CHTF18: variants seen among roughly 807,000 people sequenced by gnomAD.
The protein encoded by CHTF18 is chromosome transmission fidelity protein 18 homolog.
Under a neutral mutation model 113.4 loss-of-function variants are expected in CHTF18, and 151 were observed. The ratio of observed to expected loss-of-function variants is 1.33; its 90% CI spans 1.17 to 1.52. The LOEUF (loss-of-function observed/expected upper bound fraction) is 1.52. CHTF18 is among the 40% of genes most tolerant of loss of function. CHTF18 has a pLI of 0.00. For missense variants in CHTF18, 1,982 were observed against 1,381.6 expected, an observed-to-expected ratio of 1.43 and a Z score of -6.89; for synonymous variants, 916 against 598.8, an observed-to-expected ratio of 1.53 and a Z score of -7.74.
In CHTF18 at chr16:795,005, G is replaced by A. The variant is rs964580702; in HGVS notation, c.1951-127G>A. 17 of 732,676 alleles carry A rather than the reference G, an allele frequency of 2.3e-5. No homozygotes were observed. In the African/African-American group the frequency reaches 2.5e-4, roughly 11 times the overall value. The allele number at this position is 732,676 out of a possible 1,614,324, so 45.4% of individuals were successfully genotyped here. The stretch of plus-strand genomic sequence containing the variant: ...CAGCGTCGTGGGGACCCTTGTGGAG[G>A]GTCTGCGAAGCCTCGTGGGGCAGGC... On this transcript the variant is annotated intron_variant, in intron 15 of 21. Transcript: ENST00000262315.
chr16:797,891 G>T lies in CHTF18; in HGVS notation c.2844G>T (p.Val948=), dbSNP rs777092510. 1 of 1,610,914 alleles carries T rather than the reference G, an allele frequency of 6.2e-7. No individual in the cohort carries two copies. The highest frequency in any genetic ancestry group is 8.5e-7 in the Non-Finnish European group (1 of 1,179,262). The change falls in exon 22 of 22, where the codon GTG becomes GTT. Residue 948 remains valine (V), a synonymous_variant. Transcript: ENST00000262315. ...DSVERRMGTA[V]GRSEVWFRFN... is the part of the protein sequence containing the mutation. ...TGGAGCGGCGCATGGGCACAGCGGTGGGCAGGAGCGAGGTCTGGTTCCGCT... is the reference window on the plus strand; with the variant it reads ...TGGAGCGGCGCATGGGCACAGCGGTTGGCAGGAGCGAGGTCTGGTTCCGCT...
Position 790,647 on chromosome 16 carries a change from C to CG in CHTF18, c.877dup (p.Glu293GlyfsTer5). The CG allele has an allele frequency of 6.3e-7, 1 of 1,586,362 alleles. No individual in the cohort carries two copies. Among genetic ancestry groups the CG allele is most frequent in the Non-Finnish European group, 8.5e-7 (1 of 1,171,162 alleles). ...GATGAGTTTGCACCCCGCCACTACA[C>CG]GGAGCTGCTCAGTGATGACGTGAGG... On this transcript the variant is annotated frameshift_variant, in exon 7 of 22. Coordinates refer to ENST00000262315, the MANE Select transcript of CHTF18 (RefSeq NM_022092.3). LOFTEE classifies it high-confidence loss of function.
intron 3 of CHTF18, 62 bp from the exon 4 acceptor site, chr16:789,485 A>C: frequency 6.5e-7 from 1 of 1,544,968 alleles, no homozygotes. Context: ...AGTCTCGGAC[A>C]CCCATATCCA....
intron 7 of CHTF18, 108 bp downstream of exon 7, chr16:790,774 G>T: frequency 6.9e-7 from 1 of 1,438,922 alleles, no homozygotes; most frequent in Non-Finnish European, 9.1e-7. Flanking sequence ...CTCGGAGACG[G>T]AGTGGGCTCT....
chr16:792,610 C>T lies in CHTF18; in HGVS notation c.1478+20C>T. 1.3e-6 allele frequency: 2 copies of T among 1,592,056 alleles called. No individual in the cohort carries two copies. Among genetic ancestry groups the T allele is most frequent in the Non-Finnish European group, 8.5e-7 (1 of 1,171,338 alleles). ...TGACCAGTGAGTGCATGGGCGGGCG[C>T]CACAGTCAGGAGAGGCTCTGGTGCC... On this transcript the variant is annotated intron_variant, in intron 11 of 21. Coordinates refer to ENST00000262315, the MANE Select transcript of CHTF18 (RefSeq NM_022092.3).
chr16:791,165 C>T lies in CHTF18; in HGVS notation c.899C>T (p.Thr300Ile). 6.2e-7 allele frequency: 1 copy of T among 1,610,054 alleles called. No homozygotes were observed. Among genetic ancestry groups the T allele is most frequent in the South Asian group, 1.1e-5 (1 of 90,462 alleles). ...HYTELLSDDF[T>I]NRCLLKWLKL... ...CCCTTCCCGTCCTTCCCGCAGTTCA[C>T]CAACCGCTGCCTGCTCAAGTGGCTG... The change falls in exon 8 of 22, where the codon ACC (threonine) becomes ATC (isoleucine). Residue 300 changes from threonine to isoleucine, a missense_variant. Transcript: ENST00000262315.
chr16:794,042 C>T lies in CHTF18; in HGVS notation c.1803-12C>T, dbSNP rs200710292. 10 of 1,606,192 alleles carry T rather than the reference C, an allele frequency of 6.2e-6. No homozygotes were observed. The highest frequency in any genetic ancestry group is 2.0e-4 in the Middle Eastern group (1 of 5,056). On this transcript the variant is annotated splice_polypyrimidine_tract_variant and intron_variant, in intron 14 of 21. Coordinates refer to ENST00000262315, the MANE Select transcript of CHTF18 (RefSeq NM_022092.3). ...AACACGGGTCCATCTAGCTTCAGCA[C>T]CCCACCTGCAGGCGCCGTGTGGGCC...
rs762055892 is a variant in CHTF18, at chr16:790,612, C to T, written c.840C>T (p.Cys280=). 15 of 1,594,808 alleles carry T rather than the reference C, an allele frequency of 9.4e-6. 1 individual carries two copies. The highest frequency in any genetic ancestry group is 1.7e-4 in the Middle Eastern group (1 of 6,020). Residue 280 remains cysteine (C), a synonymous_variant, in exon 7 of 22, where the codon TGC becomes TGT. Transcript: ENST00000262315. ...PTDGQDASSH[C]LWVDEFAPRH... is the part of the protein sequence containing the mutation. ...ACGGTCAAGACGCCTCCAGTCACTG[C>T]CTCTGGGTGGATGAGTTTGCACCCC...
Position 793,024 on chromosome 16 carries a change from A to G in CHTF18, c.1631A>G (p.Lys544Arg), listed in dbSNP as rs1473505621. Residue 544 changes from lysine (K) to arginine (R), a missense_variant, in exon 13 of 22, where the codon AAA becomes AGA. Coordinates refer to ENST00000262315, the MANE Select transcript of CHTF18 (RefSeq NM_022092.3). ...DPGVLAALCE[K>R]TDNDIRACIN... is the part of the protein sequence containing the mutation. ...GGGGTGCTGGCCGCCCTCTGTGAGAAAACTGACAATGACATCCGGGCCTGC... is the reference window on the plus strand; with the variant it reads ...GGGGTGCTGGCCGCCCTCTGTGAGAGAACTGACAATGACATCCGGGCCTGC... 1 of 1,566,156 alleles carries G rather than the reference A, an allele frequency of 6.4e-7. No homozygotes were observed. Among genetic ancestry groups the G allele is most frequent in the East Asian group, 2.4e-5 (1 of 41,636 alleles).
rs1373983074 is a variant in CHTF18, at chr16:795,732, G to A, written c.2223G>A (p.Val741=). Residue 741 remains valine (V), a synonymous_variant, in exon 17 of 22, where the codon GTG becomes GTA. Transcript: ENST00000262315. ...TGAGGAACCTGATCCAGACGCTGGT[G>A]TCCGGCATCGCGCCAGCCACGCGCA... The part of the protein sequence containing the change: ...SQMRNLIQTL[V]SGIAPATRSR... 4 of 1,607,636 alleles carry A rather than the reference G, an allele frequency of 2.5e-6. No individual in the cohort carries two copies. The East Asian group carries it at 6.7e-5, about 27-fold the overall frequency.
chr16:797,224 C>G, intron 20 of CHTF18, 132 bp downstream of exon 20: 1 of 1,102,406 alleles, frequency 9.1e-7, no homozygotes, highest in African/African-American at 1.6e-5. Flanking sequence ...GGCTAGGGCC[C>G]CTCATGAGGC....
Position 792,541 on chromosome 16 carries a change from G to C in CHTF18, c.1429G>C (p.Ala477Pro). ...VPSGGGRRRR[A>P]EGGLLMRPII... ...TTCGGGAGGCGGCCGACGGCGCCGG[G>C]CAGAGGGGGGGCTCCTCATGAGGCC... The change falls in exon 11 of 22, where the codon GCA becomes CCA. Residue 477 changes from alanine to proline, a missense_variant. Physicochemically the swap from Ala to Pro is conservative, Grantham distance 27. Coordinates refer to ENST00000262315, the MANE Select transcript of CHTF18 (RefSeq NM_022092.3). The C allele has an allele frequency of 1.3e-6, 2 of 1,597,188 alleles. No individual in the cohort carries two copies. The highest frequency in any genetic ancestry group is 1.7e-6 in the Non-Finnish European group (2 of 1,175,254).
At chr16:795,662 C>T in intron 16 of CHTF18, 23 bp from the exon 17 acceptor site, 3 of 1,556,460 alleles carry the variant, frequency 1.9e-6, no homozygotes, top group Non-Finnish European at 1.7e-6. Context: ...GGTGACCAGG[C>T]CTTGGCTCAC....
At chr16:793,544 G>A (rs1213388604) in intron 14 of CHTF18, 1 of 581,586 alleles carries the variant, frequency 1.7e-6, no homozygotes, top group African/African-American at 1.9e-5. Flanking sequence ...CCCTCTCCAG[G>A]GCGCCCCTTG....
chr16:793,384 A>C, intron 14 of CHTF18, 110 bp downstream of exon 14: 8 of 1,397,800 alleles, frequency 5.7e-6, no homozygotes, highest in Non-Finnish European at 6.7e-6. Flanking sequence ...CAGTGTCCTG[A>C]GCCCGCGGTT....
At chr16:792,005 T>C in intron 9 of CHTF18, 57 bp downstream of exon 9, 2 of 1,560,984 alleles carry the variant, frequency 1.3e-6, no homozygotes, top group East Asian at 2.4e-5. Context: ...GTTTGAGTTC[T>C]GGTGGCGGAC....
intron 7 of CHTF18, 96 bp from the exon 8 acceptor site, chr16:791,065 C>T (rs2042182356): frequency 1.3e-6 from 2 of 1,505,570 alleles, no homozygotes; most frequent in Non-Finnish European, 1.8e-6. Context: ...TGTGGCTTGG[C>T]ATCCCATGGG....
chr16:797,189 G>A, intron 20 of CHTF18, 97 bp downstream of exon 20: 2 of 1,379,456 alleles, frequency 1.4e-6, no homozygotes, highest in South Asian at 3.4e-5. Context: ...CCCATGGGGT[G>A]GGGCCAGGGT....
chr16:793,704 G>A (rs1355046019), intron 14 of CHTF18: 4 of 626,568 alleles, frequency 6.4e-6, no homozygotes, highest in Non-Finnish European at 1.2e-5. Context: ...GACCCCAGGG[G>A]ATGCTGGCCT....
Sources: allele counts gnomAD v4.1 joint callset, GRCh38; gene constraint gnomAD v4.1.1; transcripts MANE v1.5; gene names NCBI Gene and HGNC (gene_info 2026-07-23, HGNC 2026-07-21).